DPY19L2: variants seen among roughly 807,000 people sequenced by gnomAD.
DPY19L2 encodes the protein dpy-19 like 2, also known as probable C-mannosyltransferase DPY19L2.
A neutral mutation model predicts 97.9 loss-of-function variants in DPY19L2; 34 were observed. That is an observed-to-expected ratio of 0.35 (90% CI 0.26 to 0.46). The LOEUF is 0.46. DPY19L2 is among the 20% of genes least tolerant of loss of function. The pLI, the probability that DPY19L2 is intolerant of heterozygous loss-of-function variation, is 1.00. For missense variants in DPY19L2, 623 were observed against 911.4 expected, an observed-to-expected ratio of 0.68 and a Z score of 4.07; for synonymous variants, 230 against 307.9, an observed-to-expected ratio of 0.75 and a Z score of 2.65.
At position 63,614,506 on chromosome 12, in the gene DPY19L2, G is replaced by A. The variant is rs576758682; in HGVS notation, c.1218+2798C>T. Among the ~76,000 whole-genome samples, 9 of 152,122 alleles carry A rather than the reference G, an allele frequency of 5.9e-5. 1 individual carries two copies. The East Asian group carries it at 1.5e-3, about 26-fold the overall frequency. On this transcript the variant is annotated intron_variant, in intron 11 of 21. Transcript: ENST00000324472. ...CAGAATTAGTAAAAAAAATAAAATG[G>A]GTGAAGAGAATGAAAGAAGGATATG...
chr12:63,591,487 CA>C (rs1882896871), intron 16 of DPY19L2, among the ~76,000 whole-genome samples: 1 of 152,064 alleles, frequency 6.6e-6, no homozygotes, highest in Admixed American at 6.5e-5. Flanking sequence ...CACTAAAAAA[CA>C]TGTCATTTGA....
intron 16 of DPY19L2, among the ~76,000 whole-genome samples, chr12:63,593,369 A>G (rs1883506600): frequency 6.6e-6 from 1 of 152,190 alleles, no homozygotes; most frequent in African/African-American, 2.4e-5. Flanking sequence ...TATTCACAAT[A>G]GCAAAGACTT....
intron 4 of DPY19L2, chr12:63,651,977 T>C: frequency 7.0e-6 from 2 of 286,390 alleles, no homozygotes; most frequent in Non-Finnish European, 1.3e-5. Flanking sequence ...CCCACCCACT[T>C]TCCATCCAGC....
chr12:63,639,734 C>A lies in DPY19L2; in HGVS notation c.803+4669G>T, dbSNP rs1022774115. The stretch of plus-strand genomic sequence containing the variant: ...CGGAGAGGATGTGGAGAAATAGGAA[C>A]ACTTTTACACTGTTGGTGGGACTGT... On this transcript the variant is annotated intron_variant, in intron 6 of 21. Coordinates refer to ENST00000324472, the MANE Select transcript of DPY19L2 (RefSeq NM_173812.5). Among the ~76,000 whole-genome samples the A allele has an allele frequency of 2.6e-5, 4 of 152,144 alleles. 1 individual carries two copies. The South Asian group carries it at 8.3e-4, about 32-fold the overall frequency.
rs1876129756 is a variant in DPY19L2 at position 63,559,742 on chromosome 12, AC to A, written c.*769del. 1 of 152,050 alleles carries A rather than the reference AC, an allele frequency of 6.6e-6. No homozygotes were observed. The highest frequency in any genetic ancestry group is 2.1e-4 in the South Asian group (1 of 4,822). The allele number at this position is 152,050 out of a possible 1,614,324, so 9.4% of individuals were successfully genotyped here. ...GGATTTTCTTTTCTGATTATGTTTA[AC>A]CCCAAAACTTGGTTGTATACCATAG... On this transcript the variant is annotated 3_prime_UTR_variant, in exon 22 of 22. Coordinates refer to ENST00000324472, the MANE Select transcript of DPY19L2 (RefSeq NM_173812.5).
intron 6 of DPY19L2, among the ~76,000 whole-genome samples, chr12:63,636,686 G>T (rs951944453): frequency 6.6e-6 from 1 of 152,218 alleles, no homozygotes; most frequent in Non-Finnish European, 1.5e-5. Flanking sequence ...AAGAGACAAA[G>T]AAGGCCATTA....
At chr12:63,613,879 C>G (rs2336207) in intron 11 of DPY19L2, among the ~76,000 whole-genome samples, 26,726 of 151,684 alleles carry the variant, frequency 0.18, 3,242 homozygotes, top group African/African-American at 0.36. Context: ...AGAAGTAAAA[C>G]AAGTTCTCAA....
chr12:63,575,770 A>G (rs144862145), intron 19 of DPY19L2, among the ~76,000 whole-genome samples: 2 of 152,074 alleles, frequency 1.3e-5, no homozygotes, highest in East Asian at 3.9e-4. Context: ...GAACAGACCA[A>G]TCACAGGTAA....
chr12:63,591,766 A>G (rs1882964033), intron 16 of DPY19L2, among the ~76,000 whole-genome samples: 1 of 150,488 alleles, frequency 6.6e-6, no homozygotes, highest in African/African-American at 2.5e-5. Context: ...ACACGGTGAA[A>G]CCCCCTCTCT....
intron 6 of DPY19L2, among the ~76,000 whole-genome samples, chr12:63,633,450 G>A (rs970569304): frequency 1.7e-4 from 26 of 152,092 alleles, no homozygotes; most frequent in African/African-American, 6.3e-4. Context: ...GCAGCCAATA[G>A]ACACACGAAA....
intron 19 of DPY19L2, among the ~76,000 whole-genome samples, chr12:63,578,144 G>A (rs1880199761): frequency 6.6e-6 from 1 of 151,992 alleles, no homozygotes; most frequent in Non-Finnish European, 1.5e-5. Flanking sequence ...CATAAAAAAA[G>A]AATGAGATCC....
At chr12:63,658,823 A>G (rs1252143250) in intron 4 of DPY19L2, among the ~76,000 whole-genome samples, 3 of 152,176 alleles carry the variant, frequency 2.0e-5, no homozygotes, top group Non-Finnish European at 4.4e-5. Flanking sequence ...TTCTATTTCT[A>G]TAAAATTCTA....
intron 4 of DPY19L2, among the ~76,000 whole-genome samples, chr12:63,650,065 A>AC (rs1391061346): frequency 6.6e-6 from 1 of 151,720 alleles, no homozygotes; most frequent in East Asian, 1.9e-4. Context: ...ACTAAAAAAA[A>AC]CCCCACATGA....
intron 5 of DPY19L2, among the ~76,000 whole-genome samples, chr12:63,646,562 A>G (rs985399980): frequency 9.2e-5 from 14 of 152,194 alleles, no homozygotes; most frequent in Non-Finnish European, 1.6e-4. Context: ...TTGAAGAAAT[A>G]AAGAAAAAAC....
rs765421121 is a variant in DPY19L2, at chr12:63,569,285, A to C, written c.2065T>G (p.Leu689Val). The C allele has an allele frequency of 6.9e-6, 11 of 1,601,776 alleles. No individual in the cohort carries two copies. The highest frequency in any genetic ancestry group is 1.3e-5 in the African/African-American group (1 of 74,512). Reference sequence around the variant, plus strand: ...TAATAATTCACATGTAACTCCAACAATTTATCTCTTACTTCTTTGGCAGAT... The same window carrying C: ...TAATAATTCACATGTAACTCCAACACTTTATCTCTTACTTCTTTGGCAGAT... The part of the protein sequence containing the change: ...RKSAKEVRDK[L>V]LELHVNYYVL... Residue 689 changes from leucine to valine, a missense_variant, in exon 21 of 22, where the codon TTG becomes GTG. This residue lies in a region of DPY19L2 where 294 missense variants were observed against 446.2 expected (regional missense o/e 0.66). Coordinates refer to ENST00000324472, the MANE Select transcript of DPY19L2 (RefSeq NM_173812.5).
In DPY19L2 at chr12:63,637,941, T is replaced by C. The variant is rs538779251; in HGVS notation, c.803+6462A>G. ...TTTAGACCAATATCCCTGATGAACATTGATACAAAAATCCTCAATAAAATA... is the reference window on the plus strand; with the variant it reads ...TTTAGACCAATATCCCTGATGAACACTGATACAAAAATCCTCAATAAAATA... On this transcript the variant is annotated intron_variant, in intron 6 of 21. Transcript: ENST00000324472. Among the ~76,000 whole-genome samples the C allele has an allele frequency of 9.2e-5, 14 of 152,270 alleles. No homozygotes were observed. In the East Asian group the frequency reaches 2.5e-3, roughly 27 times the overall value.
intron 19 of DPY19L2, among the ~76,000 whole-genome samples, chr12:63,578,818 G>A (rs1037523293): frequency 9.9e-5 from 15 of 152,076 alleles, no homozygotes; most frequent in African/African-American, 3.1e-4. Context: ...TGCTCCCTAG[G>A]GAGCACTATC....
At chr12:63,574,845 C>T (rs1021601975) in intron 19 of DPY19L2, among the ~76,000 whole-genome samples, 3 of 151,872 alleles carry the variant, frequency 2.0e-5, no homozygotes, top group Non-Finnish European at 4.4e-5. Context: ...GAGACAGATC[C>T]CTATACAATA....
At chr12:63,619,752 G>A (rs558304078) in intron 9 of DPY19L2, among the ~76,000 whole-genome samples, 19 of 152,096 alleles carry the variant, frequency 1.2e-4, no homozygotes, top group Non-Finnish European at 2.6e-4. Context: ...TGATCCACCC[G>A]CCTCAGCCTC....
Sources: allele counts gnomAD v4.1 joint callset (sites outside exome capture counted in the v4.1 genomes callset), GRCh38; gene constraint gnomAD v4.1.1; regional missense constraint gnomAD v4.1.1; transcripts MANE v1.5; gene names NCBI Gene and HGNC (gene_info 2026-07-23, HGNC 2026-07-21).